ASB3: variants seen among roughly 807,000 people sequenced by gnomAD.
The protein encoded by ASB3 is ankyrin repeat and SOCS box containing 3, also known as ankyrin repeat and SOCS box protein 3.
Under a neutral mutation model 54.5 loss-of-function variants are expected in ASB3, and 41 were observed. The ratio of observed to expected loss-of-function variants is 0.75; its 90% CI spans 0.59 to 0.98. The LOEUF (loss-of-function observed/expected upper bound fraction) is 0.98. Among genes scored for constraint, ASB3 ranks in the 50% least tolerant of loss-of-function variants. The pLI, the probability that ASB3 is intolerant of heterozygous loss-of-function variation, is 0.00. For missense variants in ASB3, 733 were observed against 620.0 expected (o/e 1.18, Z -1.94); for synonymous variants, 266 against 221.2 (o/e 1.20, Z -1.80).
At chr2:53,734,458 T>G (rs1671502601) in intron 3 of ASB3, among the ~76,000 whole-genome samples, 1 of 152,186 alleles carries the variant, frequency 6.6e-6, no homozygotes, top group Non-Finnish European at 1.5e-5. Context: ...GTGATCCCAT[T>G]TTCCCACAAA....
At chr2:53,679,236 G>T (rs750240971) in intron 9 of ASB3, among the ~76,000 whole-genome samples, 7 of 152,150 alleles carry the variant, frequency 4.6e-5, no homozygotes, top group Non-Finnish European at 1.0e-4. Flanking sequence ...ACATGAACTG[G>T]TTCCACTTCC....
intron 3 of ASB3, among the ~76,000 whole-genome samples, chr2:53,747,548 G>C (rs1672292695): frequency 6.6e-6 from 1 of 152,194 alleles, no homozygotes; most frequent in Non-Finnish European, 1.5e-5. Flanking sequence ...GAACAGTACA[G>C]TCAAATACGT....
At chr2:53,781,037 A>G (rs1334951185) in intron 1 of ASB3, among the ~76,000 whole-genome samples, 1 of 152,228 alleles carries the variant, frequency 6.6e-6, no homozygotes, top group Non-Finnish European at 1.5e-5. Flanking sequence ...TCATTTATTG[A>G]ACATTTACAA....
At chr2:53,699,168 A>G (rs1030445514) in intron 8 of ASB3, among the ~76,000 whole-genome samples, 1 of 152,174 alleles carries the variant, frequency 6.6e-6, no homozygotes, top group African/African-American at 2.4e-5. Flanking sequence ...AAAGCATATC[A>G]GCTCCAGTCT....
chr2:53,732,253 A>G (rs1671362439), intron 3 of ASB3, among the ~76,000 whole-genome samples: 2 of 152,156 alleles, frequency 1.3e-5, no homozygotes, highest in African/African-American at 4.8e-5. Context: ...GAGCCACTGC[A>G]CCTGGCCCCA....
rs1471489536 is a variant in ASB3 at position 53,716,392 on chromosome 2, G to A, written c.782+174C>T. ...CTCACAATATGAAAGTGCAGGAATA[G>A]TAGGAGCAAAAGACAGCATGAAGGA... On this transcript the variant is annotated intron_variant, in intron 6 of 9. Coordinates refer to ENST00000263634, the MANE Select transcript of ASB3 (RefSeq NM_016115.5). 2.0e-5 allele frequency among the ~76,000 whole-genome samples: 3 copies of A among 152,280 alleles called. No homozygotes were observed. In the East Asian group the frequency reaches 5.8e-4, roughly 29 times the overall value.
At chr2:53,772,084 T>G (rs117673223) in intron 1 of ASB3, 15 of 576,768 alleles carry the variant, frequency 2.6e-5, no homozygotes, top group East Asian at 9.5e-5. Flanking sequence ...TGGGTTTTTT[T>G]TGTGTTTGTG....
intron 8 of ASB3, chr2:53,694,262 G>C: frequency 2.8e-6 from 1 of 359,568 alleles, no homozygotes; most frequent in Non-Finnish European, 5.0e-6. Context: ...ACCTCAGAGA[G>C]AGTAGGAACT....
intron 5 of ASB3, among the ~76,000 whole-genome samples, chr2:53,720,856 TAA>T (rs1175615241): frequency 6.6e-6 from 1 of 151,916 alleles, no homozygotes; most frequent in African/African-American, 2.4e-5. Context: ...TCAATAAATT[TAA>T]AAAACTGATT....
chr2:53,773,513 C>T (rs1215179508), intron 1 of ASB3, among the ~76,000 whole-genome samples: 2 of 152,098 alleles, frequency 1.3e-5, no homozygotes, highest in African/African-American at 4.8e-5. Flanking sequence ...TCACTGCCAC[C>T]TCTGCCACCC....
At chr2:53,738,596 G>C (rs1388694312) in intron 3 of ASB3, among the ~76,000 whole-genome samples, 1 of 152,124 alleles carries the variant, frequency 6.6e-6, no homozygotes, top group African/African-American at 2.4e-5. Context: ...CTAGAGATTA[G>C]AATTGAATTG....
chr2:53,753,162 G>C (rs926916178), intron 2 of ASB3, among the ~76,000 whole-genome samples: 5 of 152,066 alleles, frequency 3.3e-5, no homozygotes, highest in African/African-American at 1.2e-4. Context: ...CTGAGAGATA[G>C]AGAAAAAAGA....
intron 2 of ASB3, among the ~76,000 whole-genome samples, chr2:53,755,153 G>A (rs1672744055): frequency 6.6e-6 from 1 of 152,212 alleles, no homozygotes; most frequent in Admixed American, 6.5e-5. Flanking sequence ...CAAACACAAT[G>A]AGCACTTCAG....
At chr2:53,675,702 A>G (rs1425270243) in intron 9 of ASB3, among the ~76,000 whole-genome samples, 1 of 152,188 alleles carries the variant, frequency 6.6e-6, no homozygotes. Context: ...AAAGTTTTGC[A>G]TTTTTACTAA....
Position 53,768,939 on chromosome 2 carries a change from A to C in ASB3, c.-13-3354T>G, listed in dbSNP as rs146828952. ...AGATCAAGGCGCTAAAGTAGTTTGC[A>C]CCTGCTCATAAGAGAGACATGGGAT... On this transcript the variant is annotated intron_variant, in intron 1 of 9. Coordinates refer to ENST00000263634, the MANE Select transcript of ASB3 (RefSeq NM_016115.5). 3.4e-3 allele frequency among the ~76,000 whole-genome samples: 521 copies of C among 152,342 alleles called. 5 individuals carry two copies. The highest frequency in any genetic ancestry group is 0.012 in the African/African-American group (500 of 41,586).
chr2:53,727,605 T>C (rs998198609), intron 5 of ASB3, among the ~76,000 whole-genome samples: 1 of 152,226 alleles, frequency 6.6e-6, no homozygotes, highest in African/African-American at 2.4e-5. Flanking sequence ...CACTATACTC[T>C]AGCCTGGGTG....
chr2:53,720,511 A>G (rs902232506), intron 5 of ASB3, among the ~76,000 whole-genome samples: 1 of 152,232 alleles, frequency 6.6e-6, no homozygotes, highest in Admixed American at 6.5e-5. Flanking sequence ...AGGTAATTAC[A>G]TAATGATAAA....
intron 3 of ASB3, among the ~76,000 whole-genome samples, chr2:53,734,474 C>G (rs1465244434): frequency 1.3e-5 from 2 of 152,158 alleles, no homozygotes; most frequent in Non-Finnish European, 2.9e-5. Flanking sequence ...ACAAATCACT[C>G]ATTCATTCAT....
In ASB3 at chr2:53,778,010, G is replaced by A. The variant is rs113144279; in HGVS notation, c.-14+8811C>T. ...AAAAATACAAAAAAATTAGCCAGGT[G>A]TGGTGGCGGGCACCTGTAGTCCCAG... On this transcript the variant is annotated intron_variant, in intron 1 of 9. Transcript: ENST00000263634. 3.4e-3 allele frequency among the ~76,000 whole-genome samples: 513 copies of A among 152,132 alleles called. 5 individuals carry two copies. Among genetic ancestry groups the A allele is most frequent in the African/African-American group, 0.012 (492 of 41,486 alleles).
Sources: gnomAD v4.1 joint callset for allele counts (sites outside exome capture counted in the v4.1 genomes callset) on GRCh38, gnomAD v4.1.1 for gene constraint, MANE v1.5 for transcripts, NCBI Gene and HGNC (gene_info 2026-07-23, HGNC 2026-07-21) for gene names.